The following PCDH10 variants were observed in gnomAD, a reference collection of about 807,000 sequenced individuals.
PCDH10 encodes protocadherin 10.
PCDH10 carries 15 observed loss-of-function variants against 74.4 expected under a neutral mutation model. The ratio of observed to expected loss-of-function variants is 0.20; its 90% confidence interval spans 0.13 to 0.31. The LOEUF (loss-of-function observed/expected upper bound fraction) is 0.31. PCDH10 is among the 10% of genes least tolerant of loss of function. The probability of loss-of-function intolerance (pLI) is 1.00; values close to 1 mark genes in which losing one functional copy is unlikely to be tolerated. For synonymous variants in PCDH10, 619 were observed against 589.8 expected (o/e 1.05, Z -0.72); for missense variants, 1,260 against 1,390.2 (o/e 0.91, Z 1.49).
downstream of PCDH10, among the ~76,000 whole-genome samples, chr4:133,195,697 G>C (rs370748190): frequency 6.6e-6 from 1 of 151,940 alleles, no homozygotes; most frequent in Admixed American, 6.6e-5. Flanking sequence ...AAAATTTGTG[G>C]TTGAGACTTA....
intron 4 of PCDH10, among the ~76,000 whole-genome samples, chr4:133,187,788 C>G (rs1261989893): frequency 6.6e-6 from 1 of 151,898 alleles, no homozygotes; most frequent in Non-Finnish European, 1.5e-5. Context: ...AAACTGTGAA[C>G]CATTTTAATA....
chr4:133,197,309 T>A (rs866307189), downstream of PCDH10, among the ~76,000 whole-genome samples: 31 of 152,194 alleles, frequency 2.0e-4, no homozygotes, highest in African/African-American at 7.0e-4. Context: ...TGCATATGAT[T>A]TTCATAAAAA....
chr4:133,156,422 C>T (rs1363702565), intron 3 of PCDH10, among the ~76,000 whole-genome samples: 1 of 152,246 alleles, frequency 6.6e-6, no homozygotes, highest in Admixed American at 6.5e-5. Flanking sequence ...GGCCTTCACG[C>T]TAAGTGAACA....
chr4:133,177,823 C>T (rs945739610), intron 4 of PCDH10, among the ~76,000 whole-genome samples: 109 of 152,066 alleles, frequency 7.2e-4, no homozygotes, highest in Non-Finnish European at 2.1e-4. Context: ...AATTTCTCAT[C>T]GCATTAACAG....
intron 4 of PCDH10, among the ~76,000 whole-genome samples, chr4:133,183,885 C>A (rs1484953119): frequency 6.6e-6 from 1 of 152,196 alleles, no homozygotes; most frequent in South Asian, 2.1e-4. Flanking sequence ...CTTCTCTCTT[C>A]TATTTGAAAT....
chr4:133,153,175 A>G, intron 1 of PCDH10: 1 of 1,113,578 alleles, frequency 9.0e-7, no homozygotes, highest in Non-Finnish European at 1.1e-6. Context: ...GCATTAATAA[A>G]GTTGGCTCTA....
intron 3 of PCDH10, among the ~76,000 whole-genome samples, chr4:133,156,539 T>C (rs1376234894): frequency 6.6e-6 from 1 of 152,234 alleles, no homozygotes; most frequent in Non-Finnish European, 1.5e-5. Context: ...TGGCATATGA[T>C]TTATTGTTAT....
chr4:133,200,983 A>C lies in PCDH10; in HGVS notation n.438-7093A>C, dbSNP rs541048662. Among the ~76,000 whole-genome samples, 16 of 103,318 alleles carry C rather than the reference A, an allele frequency of 1.5e-4. No homozygotes were observed. In the South Asian group the frequency reaches 2.3e-3, roughly 15 times the overall value. The allele number at this position is 103,318 out of a possible 152,430, so 67.8% of individuals were successfully genotyped here. A position where few individuals can be genotyped will look rare whatever the true frequency, so the allele number is the denominator to read the frequency against. On this transcript the variant is annotated intron_variant and non_coding_transcript_variant, in intron 2 of 2. Coordinates refer to the PCDH10 transcript ENST00000511112. ...CTGTTAAATTTGGCCTAAAAAACTA[A>C]AGACAGTTCTTATTGTTCTTTTATG...
chr4:133,154,981 G>A lies in PCDH10; in HGVS notation c.2755G>A (p.Gly919Arg), dbSNP rs898340276. Residue 919 changes from glycine to arginine, a missense_variant, in exon 3 of 5, where the codon GGA becomes AGA. This residue lies in a region of PCDH10 where 3 missense variants were observed against 19.7 expected (regional missense o/e 0.15). Coordinates refer to ENST00000264360, the MANE Select transcript of PCDH10 (RefSeq NM_032961.3). ...CAGTGGTCATGGAGACAGTGAACAG[G>A]GAGATAGTGATCATGATGCCACCAA... is the stretch of plus-strand genomic sequence containing the variant. ...KDSGHGDSEQ[G>R]DSDHDATNRA... is the part of the protein sequence containing the mutation. The A allele has an allele frequency of 6.2e-7, 1 of 1,613,932 alleles. No homozygotes were observed. Among genetic ancestry groups the A allele is most frequent in the Non-Finnish European group, 8.5e-7 (1 of 1,179,822 alleles).
intron 4 of PCDH10, among the ~76,000 whole-genome samples, chr4:133,188,175 C>T (rs1402553778): frequency 6.6e-6 from 1 of 152,054 alleles, no homozygotes; most frequent in Non-Finnish European, 1.5e-5. Flanking sequence ...CCTGGGTTGT[C>T]CAGAAAGCAC....
rs562391127 is a variant in PCDH10 at position 133,192,675 on chromosome 4, G to A, written c.*2515G>A. 4.0e-5 allele frequency: 6 copies of A among 151,360 alleles called. No individual in the cohort carries two copies. Among genetic ancestry groups the A allele is most frequent in the South Asian group, 2.1e-4 (1 of 4,826 alleles). 9.4% of individuals were successfully genotyped at this position (151,360 alleles called of 1,614,324 possible). Reference sequence around the variant, plus strand: ...AAACCAGAACTTCTTCCTAATTTGCGGGACAAATAGAATTGTTTAAGGATA... The same window carrying A: ...AAACCAGAACTTCTTCCTAATTTGCAGGACAAATAGAATTGTTTAAGGATA... On this transcript the variant is annotated 3_prime_UTR_variant, in exon 5 of 5. Transcript: ENST00000264360.
intron 1 of PCDH10, chr4:133,153,156 C>G: frequency 8.6e-7 from 1 of 1,164,156 alleles, no homozygotes; most frequent in Non-Finnish European, 1.1e-6. Flanking sequence ...TTCTTTGCGT[C>G]TGTCCCAGGC....
intron 2 of PCDH10, among the ~76,000 whole-genome samples, chr4:133,205,422 C>A (rs908479053): frequency 5.3e-5 from 8 of 152,072 alleles, no homozygotes; most frequent in Non-Finnish European, 1.0e-4. Context: ...CACAGGATCC[C>A]CCAGCTCCTT....
In PCDH10 at chr4:133,152,357, T is replaced by C. The variant is rs1726737976; in HGVS notation, c.2217T>C (p.Arg739=). The part of the protein sequence containing the change: ...FLLAMIVLAV[R]CQKEKKLNIY... ...TGGCCATGATCGTGCTGGCCGTGCG[T>C]TGCCAAAAAGAGAAGAAGCTCAACA... Residue 739 remains arginine (R), a synonymous_variant, in exon 1 of 5, where the codon CGT becomes CGC. Coordinates refer to ENST00000264360, the MANE Select transcript of PCDH10 (RefSeq NM_032961.3). 6.2e-7 allele frequency: 1 copy of C among 1,614,074 alleles called. No homozygotes were observed. The highest frequency in any genetic ancestry group is 1.7e-5 in the Admixed American group (1 of 60,002).
chr4:133,173,093 A>G lies in PCDH10; in HGVS notation c.3103+9811A>G, dbSNP rs376972156. Among the ~76,000 whole-genome samples the G allele has an allele frequency of 3.2e-3, 480 of 152,092 alleles. 1 individual carries two copies. The highest frequency in any genetic ancestry group is 0.011 in the African/African-American group (439 of 41,564). On this transcript the variant is annotated intron_variant, in intron 4 of 4. Transcript: ENST00000264360. ...CATCTAATAGCAAAAGAGTAGAAAA[A>G]TTGAGGTGTTTGTATTTCATTTTTC...
At chr4:133,162,899 T>C in intron 3 of PCDH10, 78 bp from the exon 4 acceptor site, 1 of 1,224,080 alleles carries the variant, frequency 8.2e-7, no homozygotes, top group Non-Finnish European at 1.2e-6. Flanking sequence ...CCCTTTATGC[T>C]ACCTGTAATC....
At chr4:133,170,032 A>G (rs528508977) in intron 4 of PCDH10, among the ~76,000 whole-genome samples, 11 of 152,202 alleles carry the variant, frequency 7.2e-5, no homozygotes, top group South Asian at 2.1e-4. Context: ...TTGAGTTTCA[A>G]TAAGACTTCC....
At chr4:133,154,023 A>T in intron 1 of PCDH10, 3 of 364,998 alleles carry the variant, frequency 8.2e-6, no homozygotes, top group South Asian at 3.2e-5. Context: ...TATGAGCTCT[A>T]GCCATGAGGT....
intron 4 of PCDH10, among the ~76,000 whole-genome samples, chr4:133,179,894 G>T (rs563971856): frequency 1.9e-4 from 29 of 151,626 alleles, no homozygotes; most frequent in Non-Finnish European, 3.5e-4. Flanking sequence ...TTTTCTTCAG[G>T]ATAGTTTGTC....
Sources: allele counts gnomAD v4.1 joint callset (sites outside exome capture counted in the v4.1 genomes callset), GRCh38; gene constraint gnomAD v4.1.1; regional missense constraint gnomAD v4.1.1; transcripts MANE v1.5; gene names NCBI Gene and HGNC (gene_info 2026-07-23, HGNC 2026-07-21).